Variants in ERI2 observed in about 807,000 individuals in gnomAD.
The protein encoded by ERI2 is ERI1 exoribonuclease 2.
In ERI2, 35 loss-of-function variants were observed where a neutral mutation model predicts 46.8. That is an observed-to-expected ratio of 0.75 (90% CI 0.57 to 0.99). ERI2 has a LOEUF of 0.99. Among genes scored for constraint, ERI2 ranks in the 50% least tolerant of loss-of-function variants. ERI2 has a pLI of 0.00. For missense variants in ERI2, 695 were observed against 796.2 expected (o/e 0.87, Z 1.53); for synonymous variants, 224 against 271.0 (o/e 0.83, Z 1.70).
At chr16:20,802,550 T>C (rs549673143) in intron 4 of ERI2, among the ~76,000 whole-genome samples, 28 of 151,280 alleles carry the variant, frequency 1.9e-4, no homozygotes, top group Non-Finnish European at 3.5e-4. Flanking sequence ...TACAGACACA[T>C]GCCACCAAGT....
At chr16:20,792,047 A>G (rs767174281), downstream of ERI2, 1 of 1,614,130 alleles carries the variant, frequency 6.2e-7, no homozygotes, top group East Asian at 2.2e-5. Flanking sequence ...CAATTTCTAT[A>G]TCACTGGGGA....
rs763827805 is a variant in ERI2, at chr16:20,799,303, C to G, written c.692G>C (p.Arg231Thr). The G allele has an allele frequency of 8.7e-6, 14 of 1,613,640 alleles. No homozygotes were observed. The highest frequency in any genetic ancestry group is 1.2e-5 in the Non-Finnish European group (14 of 1,179,756). The change falls in exon 8 of 9, where the codon AGA becomes ACA. Residue 231 changes from arginine (R) to threonine (T), a missense_variant. Transcript: ENST00000357967. ...NTALLAWKMI[R>T]DGCVMKITRS... Reference sequence around the variant, plus strand: ...TGTAATTTTCATTACACAACCATCTCTGATCATTTTCCAAGCAAGAAGGGC... The same window carrying G: ...TGTAATTTTCATTACACAACCATCTGTGATCATTTTCCAAGCAAGAAGGGC...
At position 20,802,810 on chromosome 16, in the gene ERI2, T is replaced by A; in HGVS notation, c.289A>T (p.Thr97Ser). The stretch of plus-strand genomic sequence containing the variant: ...TTGCATCATACCTGCTTTATGCCTG[T>A]CAATTCCATGCAAAATTCTGAAAGA... ...PILSEFCMEL[T>S]GIKQAQVDEG... Residue 97 changes from threonine (T) to serine (S), a missense_variant, in exon 4 of 9, where the codon ACA becomes TCA. Physicochemically the swap from Thr to Ser is moderately conservative, Grantham distance 58 (BLOSUM62 1). Coordinates refer to ENST00000357967, the MANE Select transcript of ERI2 (RefSeq NM_001142725.2). 1 of 1,610,318 alleles carries A rather than the reference T, an allele frequency of 6.2e-7. No individual in the cohort carries two copies. Among genetic ancestry groups the A allele is most frequent in the East Asian group, 2.2e-5 (1 of 44,850 alleles).
At chr16:20,806,236 A>C in intron 1 of ERI2, 172 bp downstream of exon 1, 1 of 1,410,960 alleles carries the variant, frequency 7.1e-7, no homozygotes, top group Non-Finnish European at 9.2e-7. Context: ...CTGAAGACCG[A>C]GGTCCAGGGA....
chr16:20,785,031 T>C (rs1001163441), intron 10 of ERI2: 1 of 1,613,738 alleles, frequency 6.2e-7, no homozygotes, highest in Admixed American at 1.7e-5. Flanking sequence ...GGGGAACCAA[T>C]TACCCCTGAC....
chr16:20,788,387 A>AC (rs905002161), intron 10 of ERI2, among the ~76,000 whole-genome samples: 1 of 152,138 alleles, frequency 6.6e-6, no homozygotes, highest in African/African-American at 2.4e-5. Flanking sequence ...ACTGCAAGGT[A>AC]CCCCCACCTG....
intron 10 of ERI2, chr16:20,786,206 A>G: frequency 6.3e-7 from 1 of 1,591,540 alleles, no homozygotes; most frequent in Non-Finnish European, 8.6e-7. Context: ...CAATCTGTAC[A>G]CTACCTACCT....
rs1363873841 is a variant in ERI2, at chr16:20,801,283, T to C, written c.380A>G (p.Gln127Arg). The C allele has an allele frequency of 5.6e-6, 9 of 1,613,088 alleles. No individual in the cohort carries two copies. Among genetic ancestry groups the C allele is most frequent in the Admixed American group, 3.3e-5 (2 of 59,898 alleles). Residue 127 changes from glutamine (Q) to arginine (R), a missense_variant, in exon 5 of 9, where the codon CAG becomes CGG. By Grantham distance (43) the Gln-to-Arg change is conservative (BLOSUM62 1). Coordinates refer to ENST00000357967, the MANE Select transcript of ERI2 (RefSeq NM_001142725.2). ...CCCAGTAGCAAAAATAATGTTCTTC[T>C]GTTGCTGAATCTTATGAATCCATTT... ...FCKWIHKIQQ[Q>R]KNIIFATGIS... is the part of the protein sequence containing the mutation.
intron 10 of ERI2, among the ~76,000 whole-genome samples, chr16:20,787,973 A>G (rs1447641514): frequency 6.6e-6 from 1 of 152,178 alleles, no homozygotes; most frequent in East Asian, 1.9e-4. Context: ...AACTGATTTC[A>G]TAGGTTTCTT....
At chr16:20,789,518 C>G in exon 10 of ERI2, 3 of 1,613,782 alleles carry the variant, frequency 1.9e-6, no homozygotes, top group Non-Finnish European at 2.5e-6. Flanking sequence ...CCTGTTTACT[C>G]ATATTGGGCT....
At chr16:20,796,194 T>G, downstream of ERI2, 2 of 1,095,458 alleles carry the variant, frequency 1.8e-6, no homozygotes, top group Non-Finnish European at 2.5e-6. Flanking sequence ...AGCTCTCCTG[T>G]ATTAGGTACA....
At chr16:20,799,194 C>T (rs1313307643) in intron 8 of ERI2, 69 bp downstream of exon 8, 29 of 1,573,204 alleles carry the variant, frequency 1.8e-5, no homozygotes, top group East Asian at 4.5e-5. Context: ...ATTAAATCTA[C>T]GTTTCAAAGA....
intron 3 of ERI2, 96 bp downstream of exon 3, chr16:20,803,337 C>T (rs1441986245): frequency 1.4e-6 from 2 of 1,384,542 alleles, no homozygotes; most frequent in African/African-American, 1.5e-5. Flanking sequence ...AATGCATAGA[C>T]CATCCTGTTT....
At position 20,800,317 on chromosome 16, in the gene ERI2, G is replaced by C; in HGVS notation, c.546C>G (p.Leu182=). Reference sequence around the variant, plus strand: ...TTACCATTACCTTGTAAGTTGCTCTGAGATCAATCCAAGAATTTAAAAACA... The same window carrying C: ...TTACCATTACCTTGTAAGTTGCTCTCAGATCAATCCAAGAATTTAAAAACA... The part of the protein sequence containing the change: ...KPVFLNSWID[L]RATYKLFYRR... The change falls in exon 6 of 9, where the codon CTC becomes CTG. Residue 182 remains leucine (L), a synonymous_variant. Coordinates refer to ENST00000357967, the MANE Select transcript of ERI2 (RefSeq NM_001142725.2). 6.2e-7 allele frequency: 1 copy of C among 1,606,580 alleles called. No homozygotes were observed. The highest frequency in any genetic ancestry group is 1.1e-5 in the South Asian group (1 of 89,722).
At chr16:20,780,540 A>G (rs910779608) in exon 11 of ERI2, 1 of 1,337,770 alleles carries the variant, frequency 7.5e-7, no homozygotes, top group African/African-American at 1.5e-5. Context: ...GATTCTAGAA[A>G]GCACCTAAAA....
At chr16:20,792,160 T>G, downstream of ERI2, 6 of 1,614,106 alleles carry the variant, frequency 3.7e-6, no homozygotes, top group Middle Eastern at 1.7e-4. Context: ...TGCATATGTC[T>G]GTGTTAACTG....
chr16:20,798,416 C>T lies in ERI2; in HGVS notation c.1384G>A (p.Glu462Lys). 1 of 1,550,690 alleles carries T rather than the reference C, an allele frequency of 6.4e-7. No individual in the cohort carries two copies. The highest frequency in any genetic ancestry group is 8.7e-7 in the Non-Finnish European group (1 of 1,146,732). Reference sequence around the variant, plus strand: ...GTCTCAGATTTTTGAGGAGTTTCCTCTATGTCTCCAAAGTTTTCATGACTT... The same window carrying T: ...GTCTCAGATTTTTGAGGAGTTTCCTTTATGTCTCCAAAGTTTTCATGACTT... ...MSSHENFGDIEETPQKSETSK... is the reference protein window; with the variant it reads ...MSSHENFGDIKETPQKSETSK... Residue 462 changes from glutamate to lysine, a missense_variant, in exon 9 of 9, where the codon GAG (glutamate) becomes AAG (lysine). By Grantham distance (56) the Glu-to-Lys change is moderately conservative. Coordinates refer to ENST00000357967, the MANE Select transcript of ERI2 (RefSeq NM_001142725.2).
downstream of ERI2, chr16:20,796,253 TTA>T: frequency 6.8e-7 from 1 of 1,469,270 alleles, no homozygotes; most frequent in Non-Finnish European, 9.0e-7. Flanking sequence ...TCAAACTTTA[TTA>T]AAACACACTG....
intron 4 of ERI2, 131 bp from the exon 5 acceptor site, chr16:20,801,490 C>T (rs2080795144): frequency 1.0e-6 from 1 of 987,762 alleles, no homozygotes; most frequent in Non-Finnish European, 1.4e-6. Flanking sequence ...ACACAGTGTA[C>T]TGTGGGAAGA....
Sources: gnomAD v4.1 joint callset for allele counts (sites outside exome capture counted in the v4.1 genomes callset) on GRCh38, gnomAD v4.1.1 for gene constraint, MANE v1.5 for transcripts, NCBI Gene and HGNC (gene_info 2026-07-23, HGNC 2026-07-21) for gene names.